DCAF7: variants seen among roughly 807,000 people sequenced by gnomAD.
DCAF7 encodes the protein DDB1- and CUL4-associated factor 7.
In DCAF7, 4 loss-of-function variants were observed where a neutral mutation model predicts 41.2. The observed-to-expected ratio is 0.10, with a 90% CI of 0.05 to 0.22. DCAF7 has a LOEUF of 0.22. DCAF7 is among the 10% of genes least tolerant of loss of function. The pLI, the probability that DCAF7 is intolerant of heterozygous loss-of-function variation, is 1.00. For synonymous variants in DCAF7, 143 were observed against 164.2 expected, an observed-to-expected ratio of 0.87 and a Z score of 0.99; for missense variants, 131 against 443.2, an observed-to-expected ratio of 0.30 and a Z score of 6.32.
chr17:63,551,320 A>T (rs28402269), intron 1 of DCAF7, among the ~76,000 whole-genome samples: 4,512 of 95,774 alleles, frequency 0.047, 251 homozygotes, highest in African/African-American at 0.15. Context: ...CCCCCCGGGT[A>T]CTCATGGATC....
chr17:63,574,691 G>A (rs1286521557), intron 1 of DCAF7, among the ~76,000 whole-genome samples: 2 of 152,342 alleles, frequency 1.3e-5, no homozygotes, highest in Non-Finnish European at 2.9e-5. Flanking sequence ...ACAGTTTCAT[G>A]GTCAAGCACA....
At chr17:63,572,160 A>G (rs2033514226) in intron 1 of DCAF7, among the ~76,000 whole-genome samples, 1 of 152,208 alleles carries the variant, frequency 6.6e-6, no homozygotes, top group African/African-American at 2.4e-5. Context: ...TTCAAAGCTC[A>G]TATATTGAGT....
intron 4 of DCAF7, among the ~76,000 whole-genome samples, chr17:63,580,660 A>G (rs2033613254): frequency 6.6e-6 from 1 of 151,716 alleles, no homozygotes; most frequent in Non-Finnish European, 1.5e-5. Context: ...CTGAGATTAC[A>G]GGTGCCCGCA....
Position 63,553,765 on chromosome 17 carries a change from C to T in DCAF7, c.138+2950C>T, listed in dbSNP as rs549736835. On this transcript the variant is annotated intron_variant, in intron 1 of 6. Transcript: ENST00000614556. ...CATTAGCATAATCATGTTTTCCTAA[C>T]GTAAAATTGTACCTAGTTGATCCAT... is the stretch of plus-strand genomic sequence containing the variant. Among the ~76,000 whole-genome samples, 15 of 152,282 alleles carry T rather than the reference C, an allele frequency of 9.9e-5. No homozygotes were observed. In the East Asian group the frequency reaches 2.1e-3, roughly 22 times the overall value.
intron 1 of DCAF7, among the ~76,000 whole-genome samples, chr17:63,572,727 T>C (rs1471628701): frequency 6.6e-6 from 1 of 152,140 alleles, no homozygotes. Flanking sequence ...TATATAAATA[T>C]CTGGCTCACA....
intron 1 of DCAF7, among the ~76,000 whole-genome samples, chr17:63,566,146 G>A (rs530333791): frequency 6.0e-5 from 9 of 150,084 alleles, no homozygotes; most frequent in South Asian, 2.1e-4. Flanking sequence ...CGAGGTGGGC[G>A]GACCATGAGG....
At chr17:63,576,905 C>G (rs1262836731) in intron 1 of DCAF7, among the ~76,000 whole-genome samples, 1 of 152,196 alleles carries the variant, frequency 6.6e-6, no homozygotes, top group East Asian at 1.9e-4. Context: ...CAGAGTGAGA[C>G]CCTATCTCAA....
At position 63,590,300 on chromosome 17, in the gene DCAF7, C is replaced by G. The variant is rs2033720642; in HGVS notation, c.*1128C>G. 6.5e-6 allele frequency: 1 copy of G among 152,756 alleles called. No homozygotes were observed. Among genetic ancestry groups the G allele is most frequent in the South Asian group, 2.1e-4 (1 of 4,834 alleles). The allele number at this position is 152,756 out of a possible 1,614,324, so 9.5% of individuals were successfully genotyped here. ...AGGCATCCTGTCTGTGCTTCCAACCCTGAACAAGACCTTACATGAGAGATG... is the reference window on the plus strand; with the variant it reads ...AGGCATCCTGTCTGTGCTTCCAACCGTGAACAAGACCTTACATGAGAGATG... On this transcript the variant is annotated 3_prime_UTR_variant, in exon 7 of 7. Transcript: ENST00000614556.
At chr17:63,571,057 G>A (rs2033501721) in intron 1 of DCAF7, among the ~76,000 whole-genome samples, 1 of 151,908 alleles carries the variant, frequency 6.6e-6, no homozygotes, top group Non-Finnish European at 1.5e-5. Flanking sequence ...GCGATGGCGG[G>A]TGCCTGTAAT....
At chr17:63,551,348 A>G (rs1400383687) in intron 1 of DCAF7, among the ~76,000 whole-genome samples, 3 of 137,120 alleles carry the variant, frequency 2.2e-5, no homozygotes, top group Non-Finnish European at 4.6e-5. Context: ...TTCTGCCAGA[A>G]TTACTGTTGC....
intron 1 of DCAF7, among the ~76,000 whole-genome samples, chr17:63,566,097 T>C (rs544893163): frequency 1.3e-5 from 2 of 151,712 alleles, no homozygotes; most frequent in South Asian, 4.2e-4. Context: ...TGAGACTCTG[T>C]CTCAAAAACA....
At chr17:63,567,879 C>T (rs533734164) in intron 1 of DCAF7, among the ~76,000 whole-genome samples, 1 of 151,984 alleles carries the variant, frequency 6.6e-6, no homozygotes, top group East Asian at 1.9e-4. Flanking sequence ...CCAGGCTGGT[C>T]TCAAATTCCT....
intron 1 of DCAF7, among the ~76,000 whole-genome samples, chr17:63,562,449 A>G (rs2033392794): frequency 6.6e-6 from 1 of 152,224 alleles, no homozygotes; most frequent in South Asian, 2.1e-4. Flanking sequence ...AGTACATACA[A>G]ATAAAACATT....
chr17:63,575,711 G>A (rs60608458), intron 1 of DCAF7, among the ~76,000 whole-genome samples: 6 of 152,070 alleles, frequency 3.9e-5, no homozygotes, highest in Non-Finnish European at 7.4e-5. Context: ...TAAAAAAGGC[G>A]TAAATTAATG....
chr17:63,583,433 A>T, intron 4 of DCAF7, 69 bp from the exon 5 acceptor site: 1 of 1,400,198 alleles, frequency 7.1e-7, no homozygotes, highest in South Asian at 1.2e-5. Flanking sequence ...TGGACGTGGC[A>T]GATTTCCCTC....
intron 1 of DCAF7, among the ~76,000 whole-genome samples, chr17:63,575,512 C>T (rs552384738): frequency 7.2e-5 from 11 of 152,192 alleles, no homozygotes; most frequent in Admixed American, 4.6e-4. Context: ...CCAGCCTAGC[C>T]GACATGGCAA....
At chr17:63,588,104 A>G (rs2033696291) in intron 6 of DCAF7, among the ~76,000 whole-genome samples, 1 of 146,736 alleles carries the variant, frequency 6.8e-6, no homozygotes, top group East Asian at 2.0e-4. Flanking sequence ...ATTTTAATAT[A>G]TTTCCTTCTA....
intron 1 of DCAF7, among the ~76,000 whole-genome samples, chr17:63,557,681 A>G (rs1234801308): frequency 6.6e-6 from 1 of 152,218 alleles, no homozygotes; most frequent in Non-Finnish European, 1.5e-5. Flanking sequence ...GAAGAGGACC[A>G]AAGAAATGAA....
chr17:63,584,422 C>T (rs139253319), intron 5 of DCAF7, among the ~76,000 whole-genome samples: 1,708 of 151,058 alleles, frequency 0.011, 27 homozygotes, highest in African/African-American at 0.038. Context: ...GAGCCAAGAT[C>T]GTGCCATTGC....
Sources: allele counts gnomAD v4.1 joint callset (sites outside exome capture counted in the v4.1 genomes callset), GRCh38; gene constraint gnomAD v4.1.1; transcripts MANE v1.5; gene names NCBI Gene and HGNC (gene_info 2026-07-23, HGNC 2026-07-21).